The following RMP64 variants were observed in gnomAD, a reference collection of about 807,000 sequenced individuals.
RMP64 encodes nucleolus and neural progenitor protein.
chr3:113,017,874 C>A, the RMP64 span, among the ~76,000 whole-genome samples: 1 of 152,176 alleles, frequency 6.6e-6, no homozygotes, highest in Admixed American at 6.5e-5. Flanking sequence ...GTTTAATAAT[C>A]TTTCATATGA....
chr3:113,014,346 G>A, the RMP64 span: 1 of 187,988 alleles, frequency 5.3e-6, no homozygotes. Context: ...TTATAATTTT[G>A]CTAAGACAAG....
chr3:113,007,305 T>TA, the RMP64 span, among the ~76,000 whole-genome samples: 3 of 151,790 alleles, frequency 2.0e-5, no homozygotes, highest in Non-Finnish European at 2.9e-5. Context: ...CACTGTATAC[T>TA]TTTTTTTTTC....
chr3:113,011,082 A>G, the RMP64 span: 3 of 1,607,026 alleles, frequency 1.9e-6, no homozygotes, highest in African/African-American at 1.3e-5. Flanking sequence ...GCTGTCCAAG[A>G]TCCACATTAT....
At chr3:113,013,182 G>A in the RMP64 span, 1 of 1,360,718 alleles carries the variant, frequency 7.3e-7, no homozygotes, top group Non-Finnish European at 1.0e-6. Context: ...TAACTCCTAT[G>A]GAGTGTTAGC....
chr3:113,010,401 T>TA, the RMP64 span: 1 of 493,178 alleles, frequency 2.0e-6, no homozygotes, highest in Non-Finnish European at 3.6e-6. Context: ...ATCTTACGGT[T>TA]ACTTTAAAAT....
At chr3:113,013,283 G>A in the RMP64 span, 3 of 1,613,158 alleles carry the variant, frequency 1.9e-6, no homozygotes, top group East Asian at 4.5e-5. Flanking sequence ...GAAAAGTTTT[G>A]CAGCAGCAGT....
At chr3:113,013,271 C>T in the RMP64 span, 1 of 1,612,282 alleles carries the variant, frequency 6.2e-7, no homozygotes, top group Non-Finnish European at 8.5e-7. Flanking sequence ...TTCAAGGATA[C>T]AGAAAAGTTT....
the RMP64 span, chr3:113,011,219 C>T: frequency 6.2e-7 from 1 of 1,611,718 alleles, no homozygotes; most frequent in Non-Finnish European, 8.5e-7. Flanking sequence ...CCTTTAGCTG[C>T]AAAAGCTATA....
chr3:113,017,169 T>C, the RMP64 span, among the ~76,000 whole-genome samples: 2 of 152,174 alleles, frequency 1.3e-5, no homozygotes, highest in African/African-American at 4.8e-5. Flanking sequence ...TTGTTATAGA[T>C]TGTATATAAT....
At chr3:113,013,969 C>CA in the RMP64 span, 1 of 1,613,166 alleles carries the variant, frequency 6.2e-7, no homozygotes, top group Non-Finnish European at 8.5e-7. Flanking sequence ...GAAAACAACT[C>CA]AAACAGGTCT....
the RMP64 span, chr3:113,012,796 A>G: frequency 6.2e-7 from 1 of 1,605,086 alleles, no homozygotes; most frequent in Non-Finnish European, 8.5e-7. Context: ...GCAAACCTAG[A>G]TGTTTCACAG....
chr3:113,006,962 A>G, the RMP64 span, among the ~76,000 whole-genome samples: 13 of 152,212 alleles, frequency 8.5e-5, no homozygotes, highest in African/African-American at 2.4e-5. Context: ...AAATATATTA[A>G]TGAAACAGCA....
the RMP64 span, chr3:113,011,382 T>C: frequency 6.3e-7 from 1 of 1,594,432 alleles, no homozygotes. Flanking sequence ...AAATCAACCT[T>C]TTTAAGACAC....
At chr3:113,006,497 G>A in the RMP64 span, among the ~76,000 whole-genome samples, 1 of 152,230 alleles carries the variant, frequency 6.6e-6, no homozygotes, top group Non-Finnish European at 1.5e-5. Context: ...TTCTGGCCCA[G>A]ATACACAGAC....
At chr3:113,012,173 C>T in the RMP64 span, among the ~76,000 whole-genome samples, 1 of 152,072 alleles carries the variant, frequency 6.6e-6, no homozygotes, top group Admixed American at 6.6e-5. Flanking sequence ...TACCAGCATA[C>T]ATCAACTAAA....
the RMP64 span, among the ~76,000 whole-genome samples, chr3:113,018,533 TTGTTC>T: frequency 7.2e-5 from 11 of 152,180 alleles, no homozygotes; most frequent in Non-Finnish European, 1.5e-4. Flanking sequence ...CCTTATTTTG[TTGTTC>T]TGTTCTGTTT....
chr3:113,006,825 G>A, the RMP64 span, among the ~76,000 whole-genome samples: 4 of 152,156 alleles, frequency 2.6e-5, no homozygotes, highest in Non-Finnish European at 5.9e-5. Context: ...AAAACAGAGG[G>A]CCTGAACTGA....
the RMP64 span, chr3:113,005,623 C>G: frequency 6.2e-7 from 1 of 1,613,634 alleles, no homozygotes; most frequent in African/African-American, 1.3e-5. Context: ...TTTGCATCAC[C>G]GTCCACGAAT....
chr3:113,006,287 T>C, the RMP64 span, among the ~76,000 whole-genome samples: 1 of 152,192 alleles, frequency 6.6e-6, no homozygotes, highest in Non-Finnish European at 1.5e-5. Context: ...CCCTATACTT[T>C]AGTGTCAGAG....
Sources: allele counts gnomAD v4.1 joint callset (sites outside exome capture counted in the v4.1 genomes callset), GRCh38; gene constraint gnomAD v4.1.1; transcripts MANE v1.5; gene names NCBI Gene and HGNC (gene_info 2026-07-23, HGNC 2026-07-21).